GLB1: variants seen among roughly 807,000 people sequenced by gnomAD.
GLB1 encodes galactosidase beta 1, also known as beta-galactosidase.
GLB1 carries 56 observed loss-of-function variants against 74.0 expected under a neutral mutation model. The observed-to-expected ratio is 0.76, with a 90% CI of 0.61 to 0.94. The LOEUF (loss-of-function observed/expected upper bound fraction) is 0.94, where lower values mean the gene tolerates loss of function less well. Ranked by LOEUF, GLB1 falls within the 40% of genes least tolerant of loss-of-function variation. The pLI is 0.00. For synonymous variants in GLB1, 323 were observed against 323.6 expected (o/e 1.00, Z 0.02); for missense variants, 787 against 845.5 (o/e 0.93, Z 0.86).
intron 10 of GLB1, among the ~76,000 whole-genome samples, chr3:33,026,144 G>A (rs990810466): frequency 2.6e-5 from 3 of 115,810 alleles, no homozygotes; most frequent in Admixed American, 9.4e-5. Context: ...AGCTGCAGAC[G>A]GAAACATCTC....
intron 1 of GLB1, chr3:33,092,540 G>T (rs1039375412): frequency 9.5e-6 from 11 of 1,163,706 alleles, no homozygotes; most frequent in Admixed American, 4.1e-5. Context: ...GAGCTCTGCA[G>T]GAGAAGGTCC....
chr3:32,964,266 A>G, the GLB1 span, among the ~76,000 whole-genome samples: 1 of 152,220 alleles, frequency 6.6e-6, no homozygotes, highest in African/African-American at 2.4e-5. Context: ...CACAAGAAAA[A>G]TGTCACACAC....
At chr3:32,968,727 A>G in the GLB1 span, among the ~76,000 whole-genome samples, 1 of 152,220 alleles carries the variant, frequency 6.6e-6, no homozygotes, top group African/African-American at 2.4e-5. Flanking sequence ...TAAAGAAATC[A>G]AAGAAGCCTT....
chr3:33,083,390 T>A (rs1157593599), intron 1 of GLB1, among the ~76,000 whole-genome samples: 1 of 98,668 alleles, frequency 1.0e-5, no homozygotes. Flanking sequence ...AGACTGAAAC[T>A]CTGTCTCAAA....
At chr3:33,011,811 A>G (rs1259314027) in intron 15 of GLB1, among the ~76,000 whole-genome samples, 1 of 152,170 alleles carries the variant, frequency 6.6e-6, no homozygotes, top group Non-Finnish European at 1.5e-5. Flanking sequence ...CCTCTTCTTC[A>G]GAATTAAATT....
the GLB1 span, among the ~76,000 whole-genome samples, chr3:32,979,136 C>T: frequency 1.3e-5 from 2 of 151,878 alleles, no homozygotes; most frequent in Non-Finnish European, 2.9e-5. Context: ...GCCACCATGC[C>T]CGGCTAATTT....
chr3:33,021,801 C>T (rs1559386038), intron 11 of GLB1, 146 bp from the exon 12 acceptor site: 1 of 878,722 alleles, frequency 1.1e-6, no homozygotes, highest in African/African-American at 1.7e-5. Flanking sequence ...CTCAGTATTG[C>T]TTCCCAGTCT....
At position 33,097,117 on chromosome 3, in the gene GLB1, C is replaced by T. The variant is rs1480860648; in HGVS notation, c.-32G>A. On this transcript the variant is annotated 5_prime_UTR_variant, in exon 1 of 16. Coordinates refer to ENST00000307363, the MANE Select transcript of GLB1 (RefSeq NM_000404.4). ...CAGCCTCCCGGCTCTGCAGTCGGCGCCCAGGCCGGCCGCTTCGCGTCACTT... is the reference window on the plus strand; with the variant it reads ...CAGCCTCCCGGCTCTGCAGTCGGCGTCCAGGCCGGCCGCTTCGCGTCACTT... 3.7e-6 allele frequency: 6 copies of T among 1,608,914 alleles called. No homozygotes were observed. The highest frequency in any genetic ancestry group is 4.2e-6 in the Non-Finnish European group (5 of 1,177,482).
At chr3:33,042,430 T>G (rs573295999) in intron 10 of GLB1, among the ~76,000 whole-genome samples, 10 of 136,668 alleles carry the variant, frequency 7.3e-5, no homozygotes, top group African/African-American at 1.9e-4. Flanking sequence ...TGCAGTGGCG[T>G]GATCTCGGCT....
At chr3:33,034,426 C>T in intron 10 of GLB1, 1 of 738,254 alleles carries the variant, frequency 1.4e-6, no homozygotes, top group Non-Finnish European at 2.5e-6. Flanking sequence ...GTGGCTGTGA[C>T]AACCTCTTCA....
At chr3:33,015,657 T>C (rs902551270) in intron 14 of GLB1, among the ~76,000 whole-genome samples, 7 of 152,214 alleles carry the variant, frequency 4.6e-5, no homozygotes, top group African/African-American at 1.7e-4. Context: ...CATGGGTCAA[T>C]GTGGCCTGTG....
intron 2 of GLB1, among the ~76,000 whole-genome samples, chr3:33,069,418 C>T (rs59198878): frequency 0.012 from 1,796 of 152,164 alleles, 31 homozygotes; most frequent in African/African-American, 0.041. Context: ...AAAAATTATC[C>T]AGAATTTGGA....
intron 15 of GLB1, among the ~76,000 whole-genome samples, chr3:33,006,328 C>T (rs934635311): frequency 5.9e-5 from 9 of 152,172 alleles, no homozygotes; most frequent in Non-Finnish European, 8.8e-5. Context: ...GAACTGCGCA[C>T]GCGAGGGATA....
At chr3:33,049,695 C>T (rs1161069883) in intron 9 of GLB1, among the ~76,000 whole-genome samples, 2 of 152,160 alleles carry the variant, frequency 1.3e-5, no homozygotes, top group Admixed American at 6.5e-5. Context: ...GGATTACAGG[C>T]GTGAGCCACC....
chr3:33,093,554 G>A lies in GLB1; in HGVS notation c.75+3457C>T. The A allele has an allele frequency of 3.7e-6, 6 of 1,614,228 alleles. No individual in the cohort carries two copies. Among genetic ancestry groups the A allele is most frequent in the Non-Finnish European group, 5.1e-6 (6 of 1,180,032 alleles). ...TGCCCACTGTGGGGCCCAAGTGAAT[G>A]TCTGAGAGGAGCACGATCTTGAGGT... On this transcript the variant is annotated intron_variant, in intron 1 of 15. Coordinates refer to ENST00000307363, the MANE Select transcript of GLB1 (RefSeq NM_000404.4). This position sits in a 1 kb window ranked among gnomAD's most constrained non-coding sequence, Gnocchi z 6.0.
At chr3:33,073,111 G>A (rs1699946754) in intron 1 of GLB1, among the ~76,000 whole-genome samples, 2 of 151,998 alleles carry the variant, frequency 1.3e-5, no homozygotes, top group Admixed American at 1.3e-4. Flanking sequence ...CAATGTCACT[G>A]GGATAACCAA....
the GLB1 span, among the ~76,000 whole-genome samples, chr3:32,978,390 A>C: frequency 2.2e-4 from 3 of 13,870 alleles, no homozygotes; most frequent in African/African-American, 2.8e-4. Context: ...TTAAAAAACA[A>C]AAAAAAAAAC....
In GLB1 at chr3:33,085,522, G is replaced by A. The variant is rs113573848; in HGVS notation, c.75+11489C>T. Among the ~76,000 whole-genome samples, 501 of 151,714 alleles carry A rather than the reference G, an allele frequency of 3.3e-3. 5 individuals carry two copies. The highest frequency in any genetic ancestry group is 0.012 in the African/African-American group (482 of 41,360). Reference sequence around the variant, plus strand: ...CTCTAAAAAAGTATTGCATTTCCTAGCAATACCCAAAGACACAGTTTGGAA... The same window carrying A: ...CTCTAAAAAAGTATTGCATTTCCTAACAATACCCAAAGACACAGTTTGGAA... On this transcript the variant is annotated intron_variant, in intron 1 of 15. Transcript: ENST00000307363.
the GLB1 span, among the ~76,000 whole-genome samples, chr3:32,973,548 C>T: frequency 2.6e-5 from 4 of 151,956 alleles, no homozygotes; most frequent in South Asian, 2.1e-4. Flanking sequence ...TTGCCACATT[C>T]GAGACCAGGC....
Sources: gnomAD v4.1 joint callset for allele counts (sites outside exome capture counted in the v4.1 genomes callset) on GRCh38, gnomAD v4.1.1 for gene constraint, Gnocchi (gnomAD v3.1) non-coding constraint, MANE v1.5 for transcripts, NCBI Gene and HGNC (gene_info 2026-07-23, HGNC 2026-07-21) for gene names.